Variants in MCC observed in about 807,000 individuals in gnomAD.
MCC encodes MCC regulator of Wnt signaling pathway.
In MCC, 90 loss-of-function variants were observed where a neutral mutation model predicts 116.2. That is an observed-to-expected ratio of 0.77 (90% CI 0.65 to 0.92). The LOEUF is 0.92. MCC is among the 40% of genes least tolerant of loss of function. The pLI, the probability that MCC is intolerant of heterozygous loss-of-function variation, is 0.00. For synonymous variants in MCC, 578 were observed against 510.5 expected, an observed-to-expected ratio of 1.13 and a Z score of -1.78; for missense variants, 1,516 against 1,312.2, an observed-to-expected ratio of 1.16 and a Z score of -2.40.
chr5:113,160,179 T>C (rs1760405329), intron 3 of MCC, among the ~76,000 whole-genome samples: 1 of 152,220 alleles, frequency 6.6e-6, no homozygotes, highest in African/African-American at 2.4e-5. Flanking sequence ...GTACTCACTG[T>C]GAAAGCTGTC....
intron 2 of MCC, among the ~76,000 whole-genome samples, chr5:113,345,481 G>C (rs1227666175): frequency 6.6e-6 from 1 of 152,220 alleles, no homozygotes; most frequent in Non-Finnish European, 1.5e-5. Context: ...GCAGACTTCA[G>C]GTCCGACTCA....
At chr5:113,288,954 G>T (rs1018901975) in intron 3 of MCC, among the ~76,000 whole-genome samples, 1 of 152,156 alleles carries the variant, frequency 6.6e-6, no homozygotes, top group African/African-American at 2.4e-5. Context: ...GTGATTCAGA[G>T]TTATTACAAA....
At chr5:113,276,682 A>T (rs936767155) in intron 3 of MCC, among the ~76,000 whole-genome samples, 3 of 152,208 alleles carry the variant, frequency 2.0e-5, no homozygotes, top group Non-Finnish European at 2.9e-5. Context: ...GCTGGAGTAC[A>T]GTGGTACAAT....
intron 4 of MCC, among the ~76,000 whole-genome samples, chr5:113,144,178 T>G (rs1016166982): frequency 1.3e-5 from 2 of 152,178 alleles, no homozygotes; most frequent in African/African-American, 4.8e-5. Flanking sequence ...TGCTCAGCAT[T>G]TGATGGACTA....
At chr5:113,088,883 A>C (rs1356632853) in intron 8 of MCC, among the ~76,000 whole-genome samples, 2 of 152,172 alleles carry the variant, frequency 1.3e-5, no homozygotes, top group Non-Finnish European at 2.9e-5. Context: ...TCATGGGCTC[A>C]AGAGATTTTC....
intron 17 of MCC, among the ~76,000 whole-genome samples, chr5:113,035,763 C>A (rs1314507108): frequency 6.6e-6 from 1 of 152,136 alleles, no homozygotes; most frequent in Non-Finnish European, 1.5e-5. Context: ...CATCACCACG[C>A]CTTACCATTT....
At chr5:113,085,936 C>T (rs1239458762) in intron 8 of MCC, among the ~76,000 whole-genome samples, 1 of 152,324 alleles carries the variant, frequency 6.6e-6, no homozygotes, top group East Asian at 1.9e-4. Context: ...GCGATTCTCC[C>T]ACCTCAGCCT....
At chr5:113,262,672 T>C (rs1222538251) in intron 3 of MCC, among the ~76,000 whole-genome samples, 1 of 152,112 alleles carries the variant, frequency 6.6e-6, no homozygotes, top group Non-Finnish European at 1.5e-5. Flanking sequence ...GTAATGCAAA[T>C]GGCATCCAAA....
intron 18 of MCC, 108 bp from the exon 19 acceptor site, chr5:113,027,590 G>A: frequency 1.0e-6 from 1 of 985,470 alleles, no homozygotes; most frequent in Non-Finnish European, 1.5e-6. Context: ...TCTGAAGAAA[G>A]ATCACTCATC....
chr5:113,406,725 TG>T (rs1348164885), intron 1 of MCC, among the ~76,000 whole-genome samples: 1 of 152,138 alleles, frequency 6.6e-6, no homozygotes, highest in Non-Finnish European at 1.5e-5. Context: ...TAAAAGATAA[TG>T]TTTACATTTG....
At chr5:113,159,341 C>T (rs1169488591) in intron 3 of MCC, among the ~76,000 whole-genome samples, 1 of 152,196 alleles carries the variant, frequency 6.6e-6, no homozygotes, top group Non-Finnish European at 1.5e-5. Context: ...GGAAGCTTCA[C>T]TCTATACAGA....
intron 5 of MCC, among the ~76,000 whole-genome samples, chr5:113,140,069 C>T (rs1330825923): frequency 6.6e-6 from 1 of 152,184 alleles, no homozygotes; most frequent in African/African-American, 2.4e-5. Context: ...AATAAAACTT[C>T]CCCGAGTTTT....
intron 3 of MCC, among the ~76,000 whole-genome samples, chr5:113,322,749 G>C (rs147911666): frequency 0.015 from 2,266 of 152,310 alleles, 31 homozygotes; most frequent in Non-Finnish European, 0.021. Context: ...AGGATAGCGA[G>C]TTAATGAATG....
chr5:113,030,210 G>C (rs941344014), intron 17 of MCC, among the ~76,000 whole-genome samples: 4 of 152,100 alleles, frequency 2.6e-5, no homozygotes, highest in African/African-American at 9.7e-5. Context: ...TTCACTTCTA[G>C]GAATTGATTT....
intron 1 of MCC, among the ~76,000 whole-genome samples, chr5:113,418,927 C>T (rs978665921): frequency 5.3e-5 from 8 of 152,242 alleles, no homozygotes; most frequent in South Asian, 2.1e-4. Flanking sequence ...CAGAACATCA[C>T]AAAAGGCACA....
At chr5:113,032,972 A>T (rs2150208509) in intron 17 of MCC, among the ~76,000 whole-genome samples, 1 of 152,356 alleles carries the variant, frequency 6.6e-6, no homozygotes, top group African/African-American at 2.4e-5. Flanking sequence ...TTAGCATATT[A>T]TCAAGAAGTA....
intron 2 of MCC, among the ~76,000 whole-genome samples, chr5:113,344,458 T>A (rs1280457485): frequency 6.6e-6 from 1 of 151,942 alleles, no homozygotes; most frequent in African/African-American, 2.4e-5. Context: ...CCGGGTTGGC[T>A]AAGAGAGGGC....
intron 3 of MCC, among the ~76,000 whole-genome samples, chr5:113,225,293 A>C (rs997891378): frequency 3.9e-5 from 6 of 152,198 alleles, no homozygotes; most frequent in Admixed American, 2.0e-4. Flanking sequence ...ACGTATTCTG[A>C]CAGCCACCAA....
chr5:113,062,131 C>G (rs983312132), intron 14 of MCC, among the ~76,000 whole-genome samples: 1 of 152,130 alleles, frequency 6.6e-6, no homozygotes, highest in Non-Finnish European at 1.5e-5. Context: ...GACATTGGAG[C>G]TAAAGACCTC....
Sources: gnomAD v4.1 joint callset for allele counts (sites outside exome capture counted in the v4.1 genomes callset) on GRCh38, gnomAD v4.1.1 for gene constraint, MANE v1.5 for transcripts, NCBI Gene and HGNC (gene_info 2026-07-23, HGNC 2026-07-21) for gene names.